Variants in ASNS observed in about 807,000 individuals in gnomAD.
The protein encoded by ASNS is asparagine synthetase (glutamine-hydrolyzing), also known as asparagine synthetase [glutamine-hydrolyzing].
In ASNS, 37 loss-of-function variants were observed where a neutral mutation model predicts 62.6. That is an observed-to-expected ratio of 0.59 (90% confidence interval 0.45 to 0.78). The LOEUF (loss-of-function observed/expected upper bound fraction) is 0.78, where lower values mean the gene tolerates loss of function less well. Among genes scored for constraint, ASNS ranks in the 30% least tolerant of loss-of-function variants. The pLI is 0.00. For missense variants in ASNS, 520 were observed against 682.4 expected, an observed-to-expected ratio of 0.76 and a Z score of 2.65; for synonymous variants, 207 against 237.9, an observed-to-expected ratio of 0.87 and a Z score of 1.19.
At chr7:97,888,165 G>A in the ASNS span, among the ~76,000 whole-genome samples, 2 of 152,022 alleles carry the variant, frequency 1.3e-5, no homozygotes, top group Non-Finnish European at 2.9e-5. Flanking sequence ...GCAGAGAGAG[G>A]GTCTCACTAT....
chr7:97,860,251 A>T (rs12704947), intron 4 of ASNS, among the ~76,000 whole-genome samples: 109,249 of 152,090 alleles, frequency 0.72, 39,552 homozygotes, highest in East Asian at 0.88. Flanking sequence ...ATCAGATGAG[A>T]TTTTGACAGG....
chr7:97,894,135 GA>G, the ASNS span, among the ~76,000 whole-genome samples: 4 of 152,094 alleles, frequency 2.6e-5, no homozygotes, highest in Admixed American at 1.3e-4. Flanking sequence ...TTGGGTCAAT[GA>G]AGAAATTAAG....
rs761044914 is a variant in ASNS, at chr7:97,854,798, G to T, written c.1138-118C>A. ...AAAAGTTAAACAAATTTAGGGAAGG[G>T]AGTAAATAACTGAACAGAGGTAAGC... is the stretch of plus-strand genomic sequence containing the variant. On this transcript the variant is annotated intron_variant, in intron 9 of 12. Coordinates refer to ENST00000394308, the MANE Select transcript of ASNS (RefSeq NM_001673.5). The T allele has an allele frequency of 4.5e-6, 7 of 1,543,418 alleles. No individual in the cohort carries two copies. The East Asian group carries it at 1.7e-4, about 38-fold the overall frequency.
intron 3 of ASNS, among the ~76,000 whole-genome samples, chr7:97,866,389 G>A (rs1791971179): frequency 6.6e-6 from 1 of 152,214 alleles, no homozygotes; most frequent in Non-Finnish European, 1.5e-5. Flanking sequence ...TAGATAAAAT[G>A]ACGGTGGCGC....
At chr7:97,918,788 A>G in the ASNS span, among the ~76,000 whole-genome samples, 4 of 152,062 alleles carry the variant, frequency 2.6e-5, no homozygotes, top group South Asian at 2.1e-4. Context: ...GGGGTGGGGA[A>G]CAAGGGGTGG....
the ASNS span, among the ~76,000 whole-genome samples, chr7:97,888,326 CTT>C: frequency 3.0e-4 from 40 of 132,360 alleles, no homozygotes; most frequent in Non-Finnish European, 3.5e-4. Flanking sequence ...GGGTTGCTTT[CTT>C]TTTTTTTTTT....
chr7:97,886,449 T>C, the ASNS span, among the ~76,000 whole-genome samples: 1 of 152,080 alleles, frequency 6.6e-6, no homozygotes. Context: ...GCCTGGCCTA[T>C]ATGAATTTTA....
the ASNS span, among the ~76,000 whole-genome samples, chr7:97,912,565 CTTTTTTTT>C: frequency 4.6e-4 from 19 of 41,496 alleles, no homozygotes; most frequent in East Asian, 1.0e-3. Flanking sequence ...GTTAACTTTG[CTTTTTTTT>C]TTTTTTTTTT....
the ASNS span, among the ~76,000 whole-genome samples, chr7:97,916,459 G>A: frequency 1.3e-5 from 2 of 152,278 alleles, no homozygotes; most frequent in Non-Finnish European, 2.9e-5. Flanking sequence ...AGCTGGGCCT[G>A]GTTTCTACAG....
rs761319175 is a variant in ASNS at position 97,854,659 on chromosome 7, C to T, written c.1159G>A (p.Glu387Lys). The change falls in exon 10 of 13, where the codon GAG becomes AAG. Residue 387 changes from glutamate to lysine, a missense_variant. Glu to Lys is a moderately conservative substitution (Grantham distance 56, BLOSUM62 1). Coordinates refer to ENST00000394308, the MANE Select transcript of ASNS (RefSeq NM_001673.5). ...FHKAPSPEKA[E>K]EESERLLREL... Reference sequence around the variant, plus strand: ...CTCAGAAGCCTCTCACTCTCCTCCTCGGCTTTTTCAGGAGAAGGAGCCTAT... The same window carrying T: ...CTCAGAAGCCTCTCACTCTCCTCCTTGGCTTTTTCAGGAGAAGGAGCCTAT... 33 of 1,613,968 alleles carry T rather than the reference C, an allele frequency of 2.0e-5. No homozygotes were observed. The highest frequency in any genetic ancestry group is 5.0e-5 in the Admixed American group (3 of 59,964).
At chr7:97,885,240 T>C in the ASNS span, among the ~76,000 whole-genome samples, 2 of 152,286 alleles carry the variant, frequency 1.3e-5, no homozygotes, top group South Asian at 4.1e-4. Flanking sequence ...TTTTGATGAC[T>C]GAATAATATT....
the ASNS span, among the ~76,000 whole-genome samples, chr7:97,907,321 C>T: frequency 3.3e-5 from 5 of 152,206 alleles, no homozygotes; most frequent in South Asian, 2.1e-4. Flanking sequence ...TAAATCAAGA[C>T]AGTGATTCCC....
intron 10 of ASNS, 39 bp downstream of exon 10, chr7:97,854,538 GTTT>G: frequency 6.3e-7 from 1 of 1,587,384 alleles, no homozygotes; most frequent in Non-Finnish European, 8.5e-7. Flanking sequence ...TGTTTTTGGT[GTTT>G]TTTTGTTTTT....
chr7:97,890,738 C>T, the ASNS span, among the ~76,000 whole-genome samples: 1 of 151,782 alleles, frequency 6.6e-6, no homozygotes, highest in Non-Finnish European at 1.5e-5. Context: ...CAGAGTGAGA[C>T]TCCATTGCTA....
the ASNS span, among the ~76,000 whole-genome samples, chr7:97,911,985 T>C: frequency 6.6e-6 from 1 of 152,176 alleles, no homozygotes; most frequent in South Asian, 2.1e-4. Context: ...TTTGCAAACA[T>C]AGGCCCCTAC....
chr7:97,897,306 A>G, the ASNS span, among the ~76,000 whole-genome samples: 1 of 152,214 alleles, frequency 6.6e-6, no homozygotes, highest in Non-Finnish European at 1.5e-5. Context: ...AACGCTGAAG[A>G]CAACCTAGGC....
In ASNS at chr7:97,868,363, G is replaced by A. The variant is rs534348702; in HGVS notation, c.249+545C>T. 3.9e-5 allele frequency among the ~76,000 whole-genome samples: 6 copies of A among 152,264 alleles called. No individual in the cohort carries two copies. In the East Asian group the frequency reaches 1.2e-3, roughly 29 times the overall value. On this transcript the variant is annotated intron_variant, in intron 3 of 12. Transcript: ENST00000394308. ...GGACACTTAGGGAAATTTCATTTAA[G>A]TATTAACTGGATATTAGGTGGTATT...
At chr7:97,892,270 T>C in the ASNS span, among the ~76,000 whole-genome samples, 1 of 151,720 alleles carries the variant, frequency 6.6e-6, no homozygotes, top group Admixed American at 6.6e-5. Context: ...GCTCACAACA[T>C]GGGTCCCTGG....
At chr7:97,855,268 C>T in intron 9 of ASNS, 85 bp downstream of exon 9, 1 of 973,142 alleles carries the variant, frequency 1.0e-6, no homozygotes, top group South Asian at 1.5e-5. Flanking sequence ...ATATCACTGT[C>T]ATACTGAAAG....
Sources: allele counts gnomAD v4.1 joint callset (sites outside exome capture counted in the v4.1 genomes callset), GRCh38; gene constraint gnomAD v4.1.1; transcripts MANE v1.5; gene names NCBI Gene and HGNC (gene_info 2026-07-23, HGNC 2026-07-21).